Variants in CSGALNACT1 observed in about 807,000 individuals in gnomAD.
CSGALNACT1 encodes the protein chondroitin sulfate N-acetylgalactosaminyltransferase 1.
In CSGALNACT1, 52 loss-of-function variants were observed where a neutral mutation model predicts 51.0. That is an observed-to-expected ratio of 1.02 (90% confidence interval 0.82 to 1.29). CSGALNACT1 has a LOEUF of 1.29. Among genes scored for constraint, CSGALNACT1 ranks in the 50% most tolerant of loss-of-function variants. The pLI, the probability that CSGALNACT1 is intolerant of heterozygous loss-of-function variation, is 0.00. For missense variants in CSGALNACT1, 935 were observed against 679.2 expected (o/e 1.38, Z -4.19); for synonymous variants, 341 against 254.4 (o/e 1.34, Z -3.24).
chr8:19,588,430 G>C (rs1284136084), intron 3 of CSGALNACT1, among the ~76,000 whole-genome samples: 4 of 152,120 alleles, frequency 2.6e-5, no homozygotes, highest in Non-Finnish European at 5.9e-5. Context: ...TGTGAAGTAA[G>C]TTCATCCAAG....
intron 8 of CSGALNACT1, among the ~76,000 whole-genome samples, chr8:19,409,438 T>C (rs1289956941): frequency 6.6e-6 from 1 of 152,114 alleles, no homozygotes; most frequent in East Asian, 1.9e-4. Context: ...CAAGTAAATT[T>C]CCAATATATT....
At chr8:19,536,803 A>G (rs998886834) in intron 3 of CSGALNACT1, among the ~76,000 whole-genome samples, 1 of 152,222 alleles carries the variant, frequency 6.6e-6, no homozygotes, top group African/African-American at 2.4e-5. Context: ...GTAGTGGCAG[A>G]GAGATAGATA....
rs1564386813 is a variant in CSGALNACT1 at position 19,667,034 on chromosome 8, AGGAAGG to A, written c.-544+15433_-544+15438del. ...AAGAAAGAAAGGAAGGAAGGAAGGA[AGGAAGG>A]AAGAAAGAAAGAAAGAAAGAAAGAA... is the stretch of plus-strand genomic sequence containing the variant. On this transcript the variant is annotated intron_variant, in intron 1 of 9. Transcript: ENST00000332246. Among the ~76,000 whole-genome samples, 8 of 43,776 alleles carry A rather than the reference AGGAAGG, an allele frequency of 1.8e-4. 1 individual carries two copies. Among genetic ancestry groups the A allele is most frequent in the African/African-American group, 1.2e-3 (8 of 6,790 alleles). The allele number at this position is 43,776 out of a possible 152,430, so 28.7% of individuals were successfully genotyped here.
At chr8:19,474,256 A>G (rs1421507586) in intron 4 of CSGALNACT1, among the ~76,000 whole-genome samples, 1 of 152,230 alleles carries the variant, frequency 6.6e-6, no homozygotes, top group East Asian at 1.9e-4. Context: ...TAGGAAAACA[A>G]TCTATGTGAA....
intron 1 of CSGALNACT1, among the ~76,000 whole-genome samples, chr8:19,678,278 A>C (rs2060343678): frequency 6.6e-6 from 1 of 152,220 alleles, no homozygotes; most frequent in African/African-American, 2.4e-5. Flanking sequence ...ACATCTCTGC[A>C]TAGAGGGCTC....
intron 3 of CSGALNACT1, among the ~76,000 whole-genome samples, chr8:19,528,710 T>C (rs367593734): frequency 6.6e-6 from 1 of 152,178 alleles, no homozygotes; most frequent in Non-Finnish European, 1.5e-5. Context: ...CTTACTAGGA[T>C]ACCTCACGAC....
exon 4 of CSGALNACT1, chr8:19,506,116 A>G: frequency 1.6e-6 from 1 of 624,576 alleles, no homozygotes; most frequent in South Asian, 1.5e-5. Context: ...TGTGCAGCCA[A>G]CAGCAAGAGG....
At chr8:19,503,251 C>A (rs2076719237) in intron 4 of CSGALNACT1, among the ~76,000 whole-genome samples, 1 of 152,156 alleles carries the variant, frequency 6.6e-6, no homozygotes, top group Admixed American at 6.5e-5. Flanking sequence ...GGTCTGTCTG[C>A]CTTTAAAAAG....
At chr8:19,739,565 G>T (rs1361038974) in intron 1 of CSGALNACT1, among the ~76,000 whole-genome samples, 1 of 152,196 alleles carries the variant, frequency 6.6e-6, no homozygotes, top group Non-Finnish European at 1.5e-5. Flanking sequence ...AGCTAGGCAT[G>T]ACCACACAAG....
At chr8:19,711,538 G>A (rs1016069614) in intron 1 of CSGALNACT1, among the ~76,000 whole-genome samples, 2 of 152,196 alleles carry the variant, frequency 1.3e-5, no homozygotes, top group Admixed American at 6.5e-5. Flanking sequence ...AGCTTTTACA[G>A]TATAACCCCC....
intron 4 of CSGALNACT1, among the ~76,000 whole-genome samples, chr8:19,461,457 G>T (rs947020407): frequency 2.0e-5 from 3 of 150,300 alleles, no homozygotes; most frequent in African/African-American, 7.3e-5. Flanking sequence ...GGGCATAACT[G>T]CACAGCAGCC....
At chr8:19,649,710 G>T (rs2057604307) in intron 1 of CSGALNACT1, among the ~76,000 whole-genome samples, 1 of 150,004 alleles carries the variant, frequency 6.7e-6, no homozygotes, top group African/African-American at 2.4e-5. Context: ...CATGGGTGAG[G>T]GTTGAGGTTG....
chr8:19,437,412 G>A (rs914849541), intron 6 of CSGALNACT1, among the ~76,000 whole-genome samples: 6 of 152,236 alleles, frequency 3.9e-5, no homozygotes, highest in African/African-American at 1.4e-4. Flanking sequence ...AGTGAGGGAG[G>A]TAGGAAGATT....
intron 3 of CSGALNACT1, among the ~76,000 whole-genome samples, chr8:19,585,822 G>A (rs1328847024): frequency 1.3e-5 from 2 of 152,198 alleles, no homozygotes; most frequent in East Asian, 3.9e-4. Context: ...AGAGTTCCAG[G>A]TCCCAGTAGC....
At chr8:19,569,254 T>G (rs2042510291) in intron 3 of CSGALNACT1, among the ~76,000 whole-genome samples, 1 of 152,146 alleles carries the variant, frequency 6.6e-6, no homozygotes, top group Non-Finnish European at 1.5e-5. Context: ...GCTTGACTAT[T>G]TAGGGTGGGG....
intron 4 of CSGALNACT1, among the ~76,000 whole-genome samples, chr8:19,471,447 TG>T (rs1318653574): frequency 6.6e-6 from 1 of 152,164 alleles, no homozygotes; most frequent in East Asian, 1.9e-4. Flanking sequence ...TTCAAGTGAA[TG>T]TTCCTTTCGT....
At chr8:19,559,242 T>G (rs1238267417) in intron 3 of CSGALNACT1, among the ~76,000 whole-genome samples, 1 of 152,184 alleles carries the variant, frequency 6.6e-6, no homozygotes, top group Non-Finnish European at 1.5e-5. Context: ...TGATTATAAT[T>G]TTTTCAATAA....
At chr8:19,656,979 T>C (rs2058335808) in intron 1 of CSGALNACT1, among the ~76,000 whole-genome samples, 1 of 148,476 alleles carries the variant, frequency 6.7e-6, no homozygotes, top group African/African-American at 2.5e-5. Flanking sequence ...GGCAGGAGAA[T>C]CACCTCCCAG....
At chr8:19,746,084 G>A (rs558136924) in intron 1 of CSGALNACT1, among the ~76,000 whole-genome samples, 2 of 152,258 alleles carry the variant, frequency 1.3e-5, no homozygotes, top group South Asian at 4.2e-4. Flanking sequence ...AACACAAATG[G>A]AAGTTTCTTA....
Sources: gnomAD v4.1 joint callset for allele counts (sites outside exome capture counted in the v4.1 genomes callset) on GRCh38, gnomAD v4.1.1 for gene constraint, MANE v1.5 for transcripts, NCBI Gene and HGNC (gene_info 2026-07-23, HGNC 2026-07-21) for gene names.